The following SACS variants were observed in gnomAD, a reference collection of about 807,000 sequenced individuals.
SACS encodes the protein sacsin.
In SACS, 197 loss-of-function variants were observed where a neutral mutation model predicts 348.0. The observed-to-expected ratio is 0.57, with a 90% confidence interval of 0.50 to 0.64. SACS has a LOEUF of 0.64. Ranked by LOEUF, SACS falls within the 30% of genes least tolerant of loss-of-function variation. The pLI is 0.00. For missense variants in SACS, 4,999 were observed against 5,360.8 expected, an observed-to-expected ratio of 0.93 and a Z score of 2.11; for synonymous variants, 1,985 against 1,910.6, an observed-to-expected ratio of 1.04 and a Z score of -1.02.
At position 23,341,278 on chromosome 13, in the gene SACS, T is replaced by C; in HGVS notation, c.2598A>G (p.Lys866=). The change falls in exon 10 of 10, where the codon AAA becomes AAG. Residue 866 remains lysine (K), a synonymous_variant. Coordinates refer to ENST00000382292, the MANE Select transcript of SACS (RefSeq NM_014363.6). ...DASIQHPLIK[K]YIHSPLPSAV... ...CACTTGGTAATGGTGAATGAATATATTTTTTAATAAGCGGATGTTGTATAG... is the reference window on the plus strand; with the variant it reads ...CACTTGGTAATGGTGAATGAATATACTTTTTAATAAGCGGATGTTGTATAG... The C allele has an allele frequency of 6.2e-7, 1 of 1,613,532 alleles. No homozygotes were observed. Among genetic ancestry groups the C allele is most frequent in the Non-Finnish European group, 8.5e-7 (1 of 1,179,628 alleles).
chr13:23,413,708 A>G (rs1873589824), intron 1 of SACS, among the ~76,000 whole-genome samples: 1 of 152,354 alleles, frequency 6.6e-6, no homozygotes, highest in East Asian at 1.9e-4. Context: ...GTAACTTGCT[A>G]TAATTAAAAA....
chr13:23,349,153 T>C (rs1054028033), intron 9 of SACS, among the ~76,000 whole-genome samples: 2 of 152,188 alleles, frequency 1.3e-5, no homozygotes, highest in Non-Finnish European at 2.9e-5. Context: ...CCAAGCGCTG[T>C]AGACAGGGAC....
intron 6 of SACS, 122 bp from the exon 7 acceptor site, chr13:23,358,603 T>G: frequency 1.0e-6 from 1 of 992,362 alleles, no homozygotes; most frequent in Non-Finnish European, 1.6e-6. Context: ...GTGAATAGAG[T>G]GACTGAATTC....
intron 3 of SACS, chr13:23,373,710 G>C (rs1871545412): frequency 6.9e-6 from 1 of 144,652 alleles, no homozygotes. Context: ...TGAGGCAGGA[G>C]AATCGCTTGA....
Position 23,331,869 on chromosome 13 carries a change from G to A in SACS, c.12007C>T (p.Gln4003Ter). Residue 4003 changes from glutamine (Q) to a stop codon, truncating the protein, a stop_gained, in exon 10 of 10, where the codon CAG becomes TAG. Transcript: ENST00000382292. LOFTEE classifies it high-confidence loss of function. ...AACTGTTCAGAAGACAAGAGTAACTGCAATCTTCCTTGAAGAGAACACAAC... is the reference window on the plus strand; with the variant it reads ...AACTGTTCAGAAGACAAGAGTAACTACAATCTTCCTTGAAGAGAACACAAC... ...GALCSLQGRLQLLLSSEQFIT... is the reference protein window; with the variant it reads ...GALCSLQGRL 2 of 1,613,986 alleles carry A rather than the reference G, an allele frequency of 1.2e-6. No individual in the cohort carries two copies. The highest frequency in any genetic ancestry group is 1.7e-6 in the Non-Finnish European group (2 of 1,179,916).
chr13:23,375,261 G>C lies in SACS; in HGVS notation c.29C>G (p.Pro10Arg). Residue 10 changes from proline to arginine, a missense_variant, in exon 3 of 10, where the codon CCG (proline) becomes CGG (arginine). This residue lies in a region of SACS where 3,156 missense variants were observed against 3,380.1 expected (regional missense o/e 0.93). Coordinates refer to ENST00000382292, the MANE Select transcript of SACS (RefSeq NM_014363.6). Reference sequence around the variant, plus strand: ...CACGCAGCCGGGGAGCACGGTCACCGGGACCCACCTGTGGAAAGCAGAGGG... The same window carrying C: ...CACGCAGCCGGGGAGCACGGTCACCCGGACCCACCTGTGGAAAGCAGAGGG... Reference protein sequence around the residue: METKENRWVPVTVLPGCVGC... With the variant: METKENRWVRVTVLPGCVGC... 2 of 1,472,854 alleles carry C rather than the reference G, an allele frequency of 1.4e-6. No individual in the cohort carries two copies. Among genetic ancestry groups the C allele is most frequent in the Non-Finnish European group, 1.8e-6 (2 of 1,108,488 alleles). The allele number at this position is 1,472,854 out of a possible 1,614,324, so 91.2% of individuals were successfully genotyped here. A position where few individuals can be genotyped will look rare whatever the true frequency, so the allele number is the denominator to read the frequency against.
intron 9 of SACS, among the ~76,000 whole-genome samples, chr13:23,344,291 T>A (rs949991522): frequency 6.6e-6 from 1 of 152,204 alleles, no homozygotes; most frequent in African/African-American, 2.4e-5. Context: ...ATAGATAATC[T>A]TACCCAATAG....
chr13:23,375,229 T>C lies in SACS; in HGVS notation c.61A>G (p.Arg21Gly). The change falls in exon 3 of 10, where the codon AGG (arginine) becomes GGG (glycine). Residue 21 changes from arginine to glycine, a missense_variant. By Grantham distance (125) the Arg-to-Gly change is moderately radical (BLOSUM62 -2). Coordinates refer to ENST00000382292, the MANE Select transcript of SACS (RefSeq NM_014363.6). ...CAGGACGCCAGCGCCGCGACGGTCCTGCAGCCCACGCAGCCGGGGAGCACG... is the reference window on the plus strand; with the variant it reads ...CAGGACGCCAGCGCCGCGACGGTCCCGCAGCCCACGCAGCCGGGGAGCACG... Reference protein sequence around the residue: ...VTVLPGCVGCRTVAALASWTV... With the variant: ...VTVLPGCVGCGTVAALASWTV... 6.7e-7 allele frequency: 1 copy of C among 1,490,222 alleles called. No individual in the cohort carries two copies. Among genetic ancestry groups the C allele is most frequent in the Non-Finnish European group, 8.9e-7 (1 of 1,118,490 alleles). The allele number at this position is 1,490,222 out of a possible 1,614,324, so 92.3% of individuals were successfully genotyped here.
chr13:23,339,717 G>A lies in SACS; in HGVS notation c.4159C>T (p.Pro1387Ser). 1 of 1,614,094 alleles carries A rather than the reference G, an allele frequency of 6.2e-7. No individual in the cohort carries two copies. The highest frequency in any genetic ancestry group is 8.5e-7 in the Non-Finnish European group (1 of 1,179,970). The stretch of plus-strand genomic sequence containing the variant: ...ATTGGCTTCATGATAAGTTTAGAAG[G>A]ATTTTTGCTATGATGTATAGGAACT... ...TPVPIHHSKNPSKLIMKPIHE... is the reference protein window; with the variant it reads ...TPVPIHHSKNSSKLIMKPIHE... The change falls in exon 10 of 10, where the codon CCT (proline) becomes TCT (serine). Residue 1387 changes from proline (P) to serine (S), a missense_variant. Physicochemically the swap from Pro to Ser is moderately conservative, Grantham distance 74 (BLOSUM62 -1). Around this residue, in one of 6 missense-constraint regions of SACS, gnomAD observed 3,156 missense variants for 3,380.1 expected, o/e 0.93. Coordinates refer to ENST00000382292, the MANE Select transcript of SACS (RefSeq NM_014363.6).
intron 2 of SACS, among the ~76,000 whole-genome samples, chr13:23,396,694 ACT>A (rs1370616505): frequency 1.3e-5 from 2 of 152,160 alleles, no homozygotes; most frequent in African/African-American, 4.8e-5. Context: ...AAATCTTTTC[ACT>A]GTTTTTCTTT....
At chr13:23,382,341 A>G (rs1168073693) in intron 2 of SACS, among the ~76,000 whole-genome samples, 1 of 151,980 alleles carries the variant, frequency 6.6e-6, no homozygotes, top group Non-Finnish European at 1.5e-5. Context: ...GTCAGGGGAG[A>G]TTTTGAAGGA....
rs1319868566 is a variant in SACS at position 23,330,327 on chromosome 13, C to T, written c.13549G>A (p.Glu4517Lys). 6.2e-7 allele frequency: 1 copy of T among 1,614,178 alleles called. No individual in the cohort carries two copies. The highest frequency in any genetic ancestry group is 2.2e-5 in the East Asian group (1 of 44,880). ...QKIEEYSQQL[E>K]GLTNDVHTLE... ...GTGTGAACATCATTTGTCAGTCCTTCAAGTTGCTGACTATATTCCTCTATT... is the reference window on the plus strand; with the variant it reads ...GTGTGAACATCATTTGTCAGTCCTTTAAGTTGCTGACTATATTCCTCTATT... The change falls in exon 10 of 10, where the codon GAA becomes AAA. Residue 4517 changes from glutamate to lysine, a missense_variant. Glu to Lys is a moderately conservative substitution (Grantham distance 56). Coordinates refer to ENST00000382292, the MANE Select transcript of SACS (RefSeq NM_014363.6).
At chr13:23,418,563 G>A (rs1873779213) in intron 1 of SACS, among the ~76,000 whole-genome samples, 1 of 152,156 alleles carries the variant, frequency 6.6e-6, no homozygotes, top group African/African-American at 2.4e-5. Flanking sequence ...CTGGAGGGCA[G>A]TGGCTGATCT....
chr13:23,362,585 T>C (rs1870805779), intron 6 of SACS, among the ~76,000 whole-genome samples: 2 of 141,550 alleles, frequency 1.4e-5, no homozygotes, highest in South Asian at 4.7e-4. Context: ...ACATTCCTTT[T>C]TTTTTTTTTT....
At position 23,336,122 on chromosome 13, in the gene SACS, C is replaced by T. The variant is rs188892681; in HGVS notation, c.7754G>A (p.Gly2585Glu). The change falls in exon 10 of 10, where the codon GGG becomes GAG. Residue 2585 changes from glycine (G) to glutamate (E), a missense_variant. By Grantham distance (98) the Gly-to-Glu change is moderately conservative. This residue lies in a region of SACS where 3,156 missense variants were observed against 3,380.1 expected (regional missense o/e 0.93). Transcript: ENST00000382292. ...IFDDKWAPLQ[G>E]PALCVYNNQP... The stretch of plus-strand genomic sequence containing the variant: ...GTTGTTGTACACACAAAGTGCTGGC[C>T]CTTGCAATGGGGCCCACTTATCATC... 6.2e-7 allele frequency: 1 copy of T among 1,612,714 alleles called. No homozygotes were observed. The highest frequency in any genetic ancestry group is 2.2e-5 in the East Asian group (1 of 44,862).
intron 2 of SACS, among the ~76,000 whole-genome samples, chr13:23,399,377 T>C (rs569564027): frequency 6.6e-6 from 1 of 152,276 alleles, no homozygotes; most frequent in South Asian, 2.1e-4. Context: ...ATCTCTTCCT[T>C]GTTTGGGAAG....
chr13:23,335,822 T>TA lies in SACS; in HGVS notation c.8053dup (p.Tyr2685LeufsTer7). 1 of 1,614,022 alleles carries TA rather than the reference T, an allele frequency of 6.2e-7. No individual in the cohort carries two copies. Among genetic ancestry groups the TA allele is most frequent in the South Asian group, 1.1e-5 (1 of 91,080 alleles). On this transcript the variant is annotated frameshift_variant, in exon 10 of 10. Coordinates refer to ENST00000382292, the MANE Select transcript of SACS (RefSeq NM_014363.6). LOFTEE classifies it high-confidence loss of function. The surrounding 1 kb of genome is among the most constrained non-coding windows in gnomAD (Gnocchi z 4.7). The stretch of plus-strand genomic sequence containing the variant: ...ATCCAGTTTAAAATGGGTTCCCAGA[T>TA]AAAGATCCAGAACATCTGAGAACTG...
intron 2 of SACS, among the ~76,000 whole-genome samples, chr13:23,384,891 T>A (rs982961045): frequency 7.2e-5 from 11 of 152,234 alleles, no homozygotes; most frequent in South Asian, 2.1e-4. Context: ...TATTTTGTTT[T>A]CCCGGTGCAG....
At chr13:23,417,424 T>G (rs1230864306) in intron 1 of SACS, among the ~76,000 whole-genome samples, 2 of 152,208 alleles carry the variant, frequency 1.3e-5, no homozygotes, top group East Asian at 3.8e-4. Flanking sequence ...TTATGTGGCA[T>G]TCGCATGGGA....
Sources: gnomAD v4.1 joint callset for allele counts (sites outside exome capture counted in the v4.1 genomes callset) on GRCh38, gnomAD v4.1.1 for gene constraint, gnomAD v4.1.1 regional missense constraint, Gnocchi (gnomAD v3.1) non-coding constraint, MANE v1.5 for transcripts, NCBI Gene and HGNC (gene_info 2026-07-23, HGNC 2026-07-21) for gene names.